Variants in BCKDHB observed in about 807,000 individuals in gnomAD.
The protein encoded by BCKDHB is 2-oxoisovalerate dehydrogenase subunit beta, mitochondrial.
BCKDHB carries 41 observed loss-of-function variants against 48.5 expected under a neutral mutation model. The observed-to-expected ratio is 0.85, with a 90% CI of 0.66 to 1.10. The LOEUF is 1.10. Among genes scored for constraint, BCKDHB ranks in the 50% least tolerant of loss-of-function variants. BCKDHB has a pLI of 0.00. For missense variants in BCKDHB, 496 were observed against 494.2 expected, an observed-to-expected ratio of 1.00 and a Z score of -0.03; for synonymous variants, 201 against 174.8, an observed-to-expected ratio of 1.15 and a Z score of -1.18.
chr6:80,203,691 A>G (rs1774506229), intron 8 of BCKDHB, among the ~76,000 whole-genome samples: 1 of 152,106 alleles, frequency 6.6e-6, no homozygotes, highest in Admixed American at 6.6e-5. Context: ...ATTACAGTCT[A>G]AGGGTTATGT....
chr6:80,347,003 GAAAA>G (rs201565085), downstream of BCKDHB, among the ~76,000 whole-genome samples: 44 of 143,492 alleles, frequency 3.1e-4, no homozygotes, highest in South Asian at 2.2e-4. Context: ...AAAGCAAAAA[GAAAA>G]AAAAAAAGAA....
At chr6:80,221,995 A>C (rs998220718) in intron 8 of BCKDHB, among the ~76,000 whole-genome samples, 16 of 152,240 alleles carry the variant, frequency 1.1e-4, no homozygotes, top group African/African-American at 3.6e-4. Context: ...GGGGGTACAC[A>C]TGCGTGTTTG....
chr6:80,353,537 G>GT, the BCKDHB span, among the ~76,000 whole-genome samples: 1 of 114,634 alleles, frequency 8.7e-6, no homozygotes, highest in Non-Finnish European at 1.9e-5. Context: ...TCACTAAAAT[G>GT]TGTTTTTTTT....
intron 9 of BCKDHB, among the ~76,000 whole-genome samples, chr6:80,310,925 C>A (rs1428875009): frequency 6.6e-6 from 1 of 152,120 alleles, no homozygotes; most frequent in Non-Finnish European, 1.5e-5. Flanking sequence ...TGTTCATGTC[C>A]TTTGCCCACT....
the BCKDHB span, among the ~76,000 whole-genome samples, chr6:80,432,577 T>A: frequency 1.3e-5 from 2 of 152,128 alleles, no homozygotes; most frequent in African/African-American, 4.8e-5. Context: ...TAGCAATTGG[T>A]CTAACCTTTT....
At chr6:80,333,172 T>C (rs974794254) in intron 9 of BCKDHB, among the ~76,000 whole-genome samples, 10 of 152,288 alleles carry the variant, frequency 6.6e-5, no homozygotes, top group African/African-American at 2.4e-4. Flanking sequence ...GCAAGACTTT[T>C]ACGAAAACTT....
intron 3 of BCKDHB, among the ~76,000 whole-genome samples, chr6:80,133,536 G>A (rs1304132791): frequency 3.3e-5 from 5 of 152,198 alleles, no homozygotes; most frequent in Admixed American, 3.3e-4. Flanking sequence ...GTATTGATTA[G>A]GAGCAACAGC....
chr6:80,359,690 G>A, the BCKDHB span, among the ~76,000 whole-genome samples: 1 of 152,140 alleles, frequency 6.6e-6, no homozygotes, highest in African/African-American at 2.4e-5. Flanking sequence ...TGCCTCCCTG[G>A]TTCAAGTGAT....
the BCKDHB span, among the ~76,000 whole-genome samples, chr6:80,432,263 C>T: frequency 6.6e-6 from 1 of 152,104 alleles, no homozygotes; most frequent in African/African-American, 2.4e-5. Context: ...TGGATAATAT[C>T]CTGAAGAATG....
chr6:80,338,990 A>C lies in BCKDHB; in HGVS notation c.1039-4674A>C, dbSNP rs9294174. On this transcript the variant is annotated intron_variant, in intron 9 of 9. Coordinates refer to ENST00000320393, the MANE Select transcript of BCKDHB (RefSeq NM_183050.4). ...AATTCCGTGCTGTATCAATTATATT[A>C]TGAAACCTTGCCATAAAAAAAAAAA... Among the ~76,000 whole-genome samples, 157 of 117,662 alleles carry C rather than the reference A, an allele frequency of 1.3e-3. 1 individual carries two copies. The highest frequency in any genetic ancestry group is 4.5e-3 in the Middle Eastern group (1 of 224). The allele number at this position is 117,662 out of a possible 152,430, so 77.2% of individuals were successfully genotyped here. A position where few individuals can be genotyped will look rare whatever the true frequency, so the allele number is the denominator to read the frequency against.
the BCKDHB span, among the ~76,000 whole-genome samples, chr6:80,384,082 G>A: frequency 6.6e-6 from 1 of 152,088 alleles, no homozygotes; most frequent in Non-Finnish European, 1.5e-5. Flanking sequence ...GTGTCAACTT[G>A]ATCGGATTGA....
At chr6:80,311,363 T>G (rs982346393) in intron 9 of BCKDHB, among the ~76,000 whole-genome samples, 28 of 152,212 alleles carry the variant, frequency 1.8e-4, no homozygotes, top group Non-Finnish European at 1.8e-4. Context: ...ATGGATAGAT[T>G]GCAAAAATTT....
At chr6:80,308,309 G>A (rs1192316249) in intron 9 of BCKDHB, among the ~76,000 whole-genome samples, 1 of 151,896 alleles carries the variant, frequency 6.6e-6, no homozygotes, top group South Asian at 2.1e-4. Context: ...ATGGCCATAA[G>A]GTATTCCATC....
At position 80,203,148 on chromosome 6, in the gene BCKDHB, G is replaced by GAGTGTCT; in HGVS notation, c.888_894dup (p.Cys299SerfsTer4). The GAGTGTCT allele has an allele frequency of 6.2e-7, 1 of 1,613,046 alleles. No individual in the cohort carries two copies. The highest frequency in any genetic ancestry group is 1.1e-5 in the South Asian group (1 of 91,050). On this transcript the variant is annotated frameshift_variant, in exon 8 of 10. Transcript: ENST00000320393. LOFTEE classifies it high-confidence loss of function. ...GCTTCCATGGCAAAAGAAAAGCTTG[G>GAGTGTCT]AGTGTCTTGTGAAGTCATTGATCTG...
At chr6:80,244,990 G>A (rs910378165) in intron 8 of BCKDHB, among the ~76,000 whole-genome samples, 3 of 152,090 alleles carry the variant, frequency 2.0e-5, no homozygotes, top group African/African-American at 7.2e-5. Context: ...CTGGAGCCAG[G>A]TGGCCTGAGT....
At chr6:80,237,569 A>G (rs566585764) in intron 8 of BCKDHB, among the ~76,000 whole-genome samples, 2 of 152,318 alleles carry the variant, frequency 1.3e-5, no homozygotes, top group South Asian at 2.1e-4. Context: ...TAAGCACTTT[A>G]TCATTTATTA....
At chr6:80,438,675 A>G in the BCKDHB span, among the ~76,000 whole-genome samples, 4 of 152,186 alleles carry the variant, frequency 2.6e-5, no homozygotes, top group Non-Finnish European at 4.4e-5. Context: ...TCTAGCTCCA[A>G]TTAGAGAAGT....
the BCKDHB span, among the ~76,000 whole-genome samples, chr6:80,396,091 G>A: frequency 6.6e-6 from 1 of 152,230 alleles, no homozygotes; most frequent in Non-Finnish European, 1.5e-5. Context: ...GGGCAGTGCA[G>A]ATGGGAAATG....
the BCKDHB span, among the ~76,000 whole-genome samples, chr6:80,386,090 G>A: frequency 6.6e-6 from 1 of 152,188 alleles, no homozygotes; most frequent in Admixed American, 6.5e-5. Context: ...GGATGGTGGA[G>A]TGGATTAGTC....
Sources: allele counts gnomAD v4.1 joint callset (sites outside exome capture counted in the v4.1 genomes callset), GRCh38; gene constraint gnomAD v4.1.1; transcripts MANE v1.5; gene names NCBI Gene and HGNC (gene_info 2026-07-23, HGNC 2026-07-21).